Variants in PDSS2 observed in about 807,000 individuals in gnomAD.
The protein encoded by PDSS2 is all trans-polyprenyl-diphosphate synthase PDSS2.
A neutral mutation model predicts 44.5 loss-of-function variants in PDSS2; 31 were observed. The ratio of observed to expected loss-of-function variants is 0.70; its 90% CI spans 0.52 to 0.94. The LOEUF (loss-of-function observed/expected upper bound fraction) is 0.94, where lower values mean the gene tolerates loss of function less well. PDSS2 is among the 40% of genes least tolerant of loss of function. PDSS2 has a pLI of 0.00. For missense variants in PDSS2, 452 were observed against 482.2 expected, an observed-to-expected ratio of 0.94 and a Z score of 0.59; for synonymous variants, 157 against 180.3, an observed-to-expected ratio of 0.87 and a Z score of 1.03.
chr6:107,359,028 T>G (rs1778678023), intron 1 of PDSS2, among the ~76,000 whole-genome samples: 1 of 148,590 alleles, frequency 6.7e-6, no homozygotes, highest in Non-Finnish European at 1.5e-5. Context: ...TTTTTTTTTT[T>G]GAGATGAGTT....
chr6:107,459,103 C>T lies in PDSS2; in HGVS notation c.183G>A (p.Gly61=). 3 of 1,614,060 alleles carry T rather than the reference C, an allele frequency of 1.9e-6. No individual in the cohort carries two copies. The highest frequency in any genetic ancestry group is 2.5e-6 in the Non-Finnish European group (3 of 1,180,022). ...QVVSEAEKIV[G]YPTSFMSLRC... The stretch of plus-strand genomic sequence containing the variant: ...GAAGGCTCATGAAGGACGTGGGGTA[C>T]CCCACGATCTTCTCCGCCTCTGACA... The change falls in exon 1 of 8, where the codon GGG becomes GGA. Residue 61 remains glycine (G), a synonymous_variant. Coordinates refer to ENST00000369037, the MANE Select transcript of PDSS2 (RefSeq NM_020381.4). This position sits in a 1 kb window ranked among gnomAD's most constrained non-coding sequence, Gnocchi z 4.3.
intron 4 of PDSS2, among the ~76,000 whole-genome samples, chr6:107,218,922 G>C (rs945899691): frequency 3.9e-5 from 6 of 152,034 alleles, no homozygotes; most frequent in African/African-American, 1.4e-4. Context: ...GCTGGGCCTG[G>C]TGGTGGGTGC....
At chr6:107,420,345 A>T (rs1306469453) in intron 1 of PDSS2, among the ~76,000 whole-genome samples, 1 of 152,214 alleles carries the variant, frequency 6.6e-6, no homozygotes, top group Non-Finnish European at 1.5e-5. Context: ...CGACTACCAC[A>T]ACTATGATAG....
chr6:107,330,339 G>C (rs77061480), intron 2 of PDSS2, among the ~76,000 whole-genome samples: 3,249 of 152,194 alleles, frequency 0.021, 141 homozygotes, highest in East Asian at 0.2. Context: ...TAGTCTAGCC[G>C]GGTACTCAAG....
intron 1 of PDSS2, among the ~76,000 whole-genome samples, chr6:107,425,071 A>ATCCAT (rs1780949709): frequency 1.3e-5 from 2 of 152,152 alleles, no homozygotes; most frequent in Admixed American, 1.3e-4. Context: ...GCCTGCCACC[A>ATCCAT]TCCATGTACG....
chr6:107,166,755 T>C (rs1325152237), intron 7 of PDSS2, among the ~76,000 whole-genome samples: 10 of 152,198 alleles, frequency 6.6e-5, no homozygotes, highest in African/African-American at 2.2e-4. Flanking sequence ...TTGTCTTTGG[T>C]TCTGTTTATA....
chr6:107,275,992 C>T (rs111889327), intron 2 of PDSS2, among the ~76,000 whole-genome samples: 7 of 151,480 alleles, frequency 4.6e-5, no homozygotes, highest in African/African-American at 1.7e-4. Context: ...AGAGGGTGCA[C>T]GCCTGTAGTC....
intron 1 of PDSS2, among the ~76,000 whole-genome samples, chr6:107,454,478 A>G (rs1562552644): frequency 1.3e-5 from 2 of 152,242 alleles, no homozygotes; most frequent in Non-Finnish European, 2.9e-5. Context: ...ATGCTCCTCT[A>G]TTCCTAGTAA....
intron 1 of PDSS2, among the ~76,000 whole-genome samples, chr6:107,434,020 T>A (rs150824706): frequency 2.0e-5 from 3 of 152,292 alleles, no homozygotes; most frequent in African/African-American, 7.2e-5. Context: ...TCATTGATCA[T>A]CAGAGAAATA....
At chr6:107,447,319 G>A (rs1024369529) in intron 1 of PDSS2, among the ~76,000 whole-genome samples, 3 of 152,110 alleles carry the variant, frequency 2.0e-5, no homozygotes, top group Non-Finnish European at 4.4e-5. Flanking sequence ...CTGGGCGACA[G>A]AGTGAGAATC....
intron 2 of PDSS2, among the ~76,000 whole-genome samples, chr6:107,319,859 T>C (rs2115165795): frequency 6.6e-6 from 1 of 152,352 alleles, no homozygotes; most frequent in South Asian, 2.1e-4. Flanking sequence ...TTCAGCTTAC[T>C]GTTTTTGTTA....
intron 1 of PDSS2, among the ~76,000 whole-genome samples, chr6:107,452,727 C>T (rs757590449): frequency 1.3e-5 from 2 of 150,872 alleles, no homozygotes; most frequent in African/African-American, 2.4e-5. Flanking sequence ...CTTGCTGTGG[C>T]GCAATCTCGG....
At chr6:107,393,252 AT>A (rs1259746957) in intron 1 of PDSS2, among the ~76,000 whole-genome samples, 2 of 152,026 alleles carry the variant, frequency 1.3e-5, no homozygotes, top group African/African-American at 4.8e-5. Context: ...AAAATTTCGT[AT>A]TTTACCCATG....
chr6:107,459,441 C>CT lies in PDSS2; in HGVS notation c.-157dup. On this transcript the variant is annotated 5_prime_UTR_variant, in exon 1 of 8. The change abolishes the stop of an existing upstream ORF in the 5' untranslated region. Transcript: ENST00000369037. The surrounding 1 kb of genome is among the most constrained non-coding windows in gnomAD (Gnocchi z 4.3). ...TCCTGGAGCAGTGACCAGAAACGAA[C>CT]TTTAACTGCTGCTTTCTGCAGCCCA... 1.6e-6 allele frequency: 1 copy of CT among 639,144 alleles called. No individual in the cohort carries two copies. The highest frequency in any genetic ancestry group is 2.7e-6 in the Non-Finnish European group (1 of 363,790). The allele number at this position is 639,144 out of a possible 1,614,324, so 39.6% of individuals were successfully genotyped here.
chr6:107,320,589 T>C (rs183501582), intron 2 of PDSS2, among the ~76,000 whole-genome samples: 27 of 152,318 alleles, frequency 1.8e-4, no homozygotes, highest in African/African-American at 6.0e-4. Flanking sequence ...AAAGAAAATA[T>C]ATAAATATCT....
intron 1 of PDSS2, among the ~76,000 whole-genome samples, chr6:107,405,058 A>G (rs1259275488): frequency 6.6e-6 from 1 of 152,178 alleles, no homozygotes; most frequent in Non-Finnish European, 1.5e-5. Context: ...CTTATAAAGA[A>G]AACCCCATCA....
intron 4 of PDSS2, among the ~76,000 whole-genome samples, chr6:107,214,213 C>T (rs984925569): frequency 2.0e-5 from 3 of 151,732 alleles, no homozygotes; most frequent in Non-Finnish European, 2.9e-5. Context: ...ACTCCATTCT[C>T]CTGCCTCAGC....
intron 1 of PDSS2, among the ~76,000 whole-genome samples, chr6:107,347,324 G>A (rs983962104): frequency 6.8e-6 from 1 of 146,398 alleles, no homozygotes; most frequent in Non-Finnish European, 1.5e-5. Context: ...GTGCAGTGGC[G>A]CGGTCTCAGC....
chr6:107,242,888 T>C (rs1219200992), intron 4 of PDSS2, among the ~76,000 whole-genome samples: 1 of 152,164 alleles, frequency 6.6e-6, no homozygotes, highest in African/African-American at 2.4e-5. Flanking sequence ...TTCAGAAATT[T>C]AACTGCTTAA....
Sources: gnomAD v4.1 joint callset for allele counts (sites outside exome capture counted in the v4.1 genomes callset) on GRCh38, gnomAD v4.1.1 for gene constraint, Gnocchi (gnomAD v3.1) non-coding constraint, MANE v1.5 for transcripts, NCBI Gene and HGNC (gene_info 2026-07-23, HGNC 2026-07-21) for gene names.